Variants in SELP observed in about 807,000 individuals in gnomAD.
SELP encodes P-selectin.
In SELP, 92 loss-of-function variants were observed where a neutral mutation model predicts 104.1. That is an observed-to-expected ratio of 0.88 (90% CI 0.75 to 1.05). The LOEUF is 1.05. Ranked by LOEUF, SELP falls within the 50% of genes least tolerant of loss-of-function variation. SELP has a pLI of 0.00. For missense variants in SELP, 1,022 were observed against 1,017.3 expected (o/e 1.00, Z -0.06); for synonymous variants, 397 against 364.5 (o/e 1.09, Z -1.01).
intron 8 of SELP, 27 bp downstream of exon 8, chr1:169,609,477 A>G (rs749848755): frequency 1.3e-6 from 2 of 1,595,330 alleles, no homozygotes; most frequent in South Asian, 1.1e-5. Flanking sequence ...TGAGACACAC[A>G]GAAAAACATT....
At chr1:169,596,410 A>G (rs1321133083) in intron 11 of SELP, among the ~76,000 whole-genome samples, 1 of 152,234 alleles carries the variant, frequency 6.6e-6, no homozygotes, top group African/African-American at 2.4e-5. Context: ...GAAGCAAGAA[A>G]TGGTACAGAA....
chr1:169,611,078 C>T (rs1662507622), intron 7 of SELP, among the ~76,000 whole-genome samples: 1 of 152,064 alleles, frequency 6.6e-6, no homozygotes, highest in Admixed American at 6.5e-5. Context: ...CCTGGGATTG[C>T]ATCACACACT....
In SELP at chr1:169,600,719, G is replaced by A. The variant is rs1229855681; in HGVS notation, c.1705+2307C>T. Among the ~76,000 whole-genome samples the A allele has an allele frequency of 5.3e-5, 8 of 152,312 alleles. 2 individuals carry two copies. Among genetic ancestry groups the A allele is most frequent in the Non-Finnish European group, 1.5e-5 (1 of 68,032 alleles). On this transcript the variant is annotated intron_variant, in intron 10 of 16. Transcript: ENST00000263686. ...CCATGTGAAAATTGGGGTTCTAGGG[G>A]GCAGTGCTGAGGGTTAAAAATTAAT...
In SELP at chr1:169,612,250, C is replaced by G; in HGVS notation, c.928G>C (p.Gly310Arg). The stretch of plus-strand genomic sequence containing the variant: ...ACTGGGGCTGGGGCTGTCCATACCC[C>G]CGAGGCTGTGCATTGCACCACTTCC... ...GPEVVQCTASGVWTAPAPVCK... is the reference protein window; with the variant it reads ...GPEVVQCTASRVWTAPAPVCK... Residue 310 changes from glycine (G) to arginine (R), a missense_variant, in exon 6 of 17, where the codon GGG (glycine) becomes CGG (arginine). By Grantham distance (125) the Gly-to-Arg change is moderately radical. Transcript: ENST00000263686. 1 of 1,614,094 alleles carries G rather than the reference C, an allele frequency of 6.2e-7. No homozygotes were observed. The highest frequency in any genetic ancestry group is 8.5e-7 in the Non-Finnish European group (1 of 1,179,996).
Position 169,597,032 on chromosome 1 carries a change from G to C in SELP, c.1850C>G (p.Thr617Arg), listed in dbSNP as rs1661657989. 1.2e-6 allele frequency: 2 copies of C among 1,613,192 alleles called. No individual in the cohort carries two copies. The highest frequency in any genetic ancestry group is 1.7e-6 in the Non-Finnish European group (2 of 1,179,514). Reference protein sequence around the residue: ...KLEGPNNVECTTSGRWSATPP... With the variant: ...KLEGPNNVECRTSGRWSATPP... ...AGTAGCTGACCATCTTCCAGAAGTT[G>C]TGCATTCCACATTATTGGGCCCCTC... is the stretch of plus-strand genomic sequence containing the variant. Residue 617 changes from threonine (T) to arginine (R), a missense_variant, in exon 11 of 17, where the codon ACA becomes AGA. Transcript: ENST00000263686.
chr1:169,594,675 C>G lies in SELP; in HGVS notation c.2287+17G>C, dbSNP rs780207476. The G allele has an allele frequency of 1.9e-6, 3 of 1,608,274 alleles. No individual in the cohort carries two copies. In the Admixed American group the frequency reaches 5.0e-5, roughly 27 times the overall value. On this transcript the variant is annotated intron_variant, in intron 13 of 16. Coordinates refer to ENST00000263686, the MANE Select transcript of SELP (RefSeq NM_003005.4). ...TTCCACATCAAAGTGACTTCTTAAC[C>G]CACATGAAAATTGTACCTTGGCAGG...
In SELP at chr1:169,595,783, G is replaced by A. The variant is rs3917816; in HGVS notation, c.2101+142C>T. On this transcript the variant is annotated intron_variant, in intron 12 of 16. Transcript: ENST00000263686. Reference sequence around the variant, plus strand: ...ATGCCTGTGACACATTACTTCTAATGGGATTGGTGTGGATTTCATAAGGGA... The same window carrying A: ...ATGCCTGTGACACATTACTTCTAATAGGATTGGTGTGGATTTCATAAGGGA... 5.7e-3 allele frequency: 4,117 copies of A among 719,024 alleles called. 86 individuals are homozygous for A. Among genetic ancestry groups the A allele is most frequent in the African/African-American group, 0.045 (2,571 of 57,120 alleles). The allele number at this position is 719,024 out of a possible 1,614,324, so 44.5% of individuals were successfully genotyped here. A position where few individuals can be genotyped will look rare whatever the true frequency, so the allele number is the denominator to read the frequency against.
At chr1:169,623,743 A>G (rs3917672) in intron 1 of SELP, among the ~76,000 whole-genome samples, 76,831 of 151,508 alleles carry the variant, frequency 0.51, 19,775 homozygotes, top group Middle Eastern at 0.62. Context: ...TCAGAGCTAT[A>G]GGAGAACATA....
chr1:169,612,444 A>T (rs1221319579), intron 5 of SELP, 42 bp from the exon 6 acceptor site: 2 of 1,598,778 alleles, frequency 1.3e-6, no homozygotes, highest in East Asian at 4.5e-5. Context: ...CCTTGGACAA[A>T]TTTTGTCCAT....
At chr1:169,594,612 T>G in intron 13 of SELP, 80 bp downstream of exon 13, 10 of 1,405,560 alleles carry the variant, frequency 7.1e-6, no homozygotes, top group Non-Finnish European at 8.9e-6. Context: ...AAGACCACTA[T>G]GAGAAAGACA....
intron 1 of SELP, among the ~76,000 whole-genome samples, chr1:169,627,951 AGTGGT>A (rs1557978451): frequency 6.6e-6 from 1 of 152,154 alleles, no homozygotes; most frequent in Non-Finnish European, 1.5e-5. Context: ...GCTGGAGTTC[AGTGGT>A]GTGATCTCAA....
intron 9 of SELP, among the ~76,000 whole-genome samples, chr1:169,605,491 G>GGT (rs1553229394): frequency 6.7e-5 from 10 of 150,288 alleles, no homozygotes; most frequent in South Asian, 2.1e-4. Context: ...GTGTGTGGGG[G>GGT]GTGTGTGTGT....
intron 15 of SELP, among the ~76,000 whole-genome samples, chr1:169,591,210 G>A (rs531806369): frequency 6.6e-6 from 1 of 152,122 alleles, no homozygotes; most frequent in Admixed American, 6.5e-5. Flanking sequence ...TTTGCATCTT[G>A]TTTTTATTAT....
At chr1:169,608,155 T>C (rs997924959) in intron 8 of SELP, among the ~76,000 whole-genome samples, 43 of 151,972 alleles carry the variant, frequency 2.8e-4, no homozygotes, top group African/African-American at 1.0e-3. Context: ...TTCTTTTTTT[T>C]TTTTTTTGCT....
chr1:169,594,962 C>A, intron 12 of SELP, 85 bp from the exon 13 acceptor site: 1 of 1,239,092 alleles, frequency 8.1e-7, no homozygotes, highest in Non-Finnish European at 1.1e-6. Flanking sequence ...CTAACATTGC[C>A]AATAAATGAG....
chr1:169,629,143 A>G (rs1470658977), intron 1 of SELP, among the ~76,000 whole-genome samples: 1 of 152,210 alleles, frequency 6.6e-6, no homozygotes, highest in Non-Finnish European at 1.5e-5. Context: ...TAGCTTAACC[A>G]TGTGCATTTT....
intron 15 of SELP, 22 bp downstream of exon 15, chr1:169,591,404 T>C: frequency 6.5e-7 from 1 of 1,548,152 alleles, no homozygotes. Flanking sequence ...ATTTACTCAA[T>C]CATAAAACAT....
rs1486296505 is a variant in SELP at position 169,616,302 on chromosome 1, T to C, written c.481+726A>G. Among the ~76,000 whole-genome samples, 8 of 152,180 alleles carry C rather than the reference T, an allele frequency of 5.3e-5. No homozygotes were observed. The East Asian group carries it at 1.5e-3, about 29-fold the overall frequency. The stretch of plus-strand genomic sequence containing the variant: ...TTGGTTATATTCTCAAATTGTCTCA[T>C]AAAAATGTAGAGCAAAGAATGTGGT... On this transcript the variant is annotated intron_variant, in intron 3 of 16. Transcript: ENST00000263686.
At chr1:169,620,531 A>G (rs1162342316) in intron 1 of SELP, among the ~76,000 whole-genome samples, 2 of 152,134 alleles carry the variant, frequency 1.3e-5, no homozygotes, top group Non-Finnish European at 2.9e-5. Flanking sequence ...CTATCAACAT[A>G]AAAACAGTGC....
Sources: allele counts gnomAD v4.1 joint callset (sites outside exome capture counted in the v4.1 genomes callset), GRCh38; gene constraint gnomAD v4.1.1; transcripts MANE v1.5; gene names NCBI Gene and HGNC (gene_info 2026-07-23, HGNC 2026-07-21).